The following BTN3A1 variants were observed in gnomAD, a reference collection of about 807,000 sequenced individuals.
BTN3A1 encodes the protein dJ45P21.3 (butyrophilin, subfamily 3, member A1).
BTN3A1 carries 24 observed loss-of-function variants against 43.0 expected under a neutral mutation model. The observed-to-expected ratio is 0.56, with a 90% CI of 0.40 to 0.78. The LOEUF is 0.78. Among genes scored for constraint, BTN3A1 ranks in the 30% least tolerant of loss-of-function variants. BTN3A1 has a pLI of 0.00. For synonymous variants in BTN3A1, 181 were observed against 234.7 expected (o/e 0.77, Z 2.09); for missense variants, 533 against 626.2 (o/e 0.85, Z 1.59).
At chr6:26,409,865 G>A (rs1443331157) in intron 5 of BTN3A1, 29 bp from the exon 6 acceptor site, 1 of 1,614,106 alleles carries the variant, frequency 6.2e-7, no homozygotes, top group Non-Finnish European at 8.5e-7. Context: ...ACCTGTAACA[G>A]TTCATTATTA....
At chr6:26,406,936 A>C (rs1762039959) in intron 3 of BTN3A1, among the ~76,000 whole-genome samples, 1 of 152,224 alleles carries the variant, frequency 6.6e-6, no homozygotes, top group Admixed American at 6.5e-5. Flanking sequence ...TTATCTAGGA[A>C]GAAAGAGACC....
chr6:26,412,370 CG>C (rs1762249155), intron 9 of BTN3A1: 1 of 749,894 alleles, frequency 1.3e-6, no homozygotes, highest in African/African-American at 1.8e-5. Flanking sequence ...GGAAATTAAA[CG>C]GTGTGTCTCT....
intron 9 of BTN3A1, chr6:26,412,846 G>A (rs1762265761): frequency 6.5e-7 from 1 of 1,531,184 alleles, no homozygotes; most frequent in Admixed American, 2.1e-5. Context: ...TAAAGCATTA[G>A]TGGGCAGAGT....
At chr6:26,410,053 C>T in intron 7 of BTN3A1, 21 bp downstream of exon 7, 1 of 1,613,562 alleles carries the variant, frequency 6.2e-7, no homozygotes, top group Non-Finnish European at 8.5e-7. Flanking sequence ...CTGACATTTT[C>T]TCTGAATTTG....
In BTN3A1 at chr6:26,414,082, A is replaced by C; in HGVS notation, c.*390A>C. 1 of 295,868 alleles carries C rather than the reference A, an allele frequency of 3.4e-6. No homozygotes were observed. The highest frequency in any genetic ancestry group is 6.5e-6 in the Non-Finnish European group (1 of 153,668). 18.3% of individuals were successfully genotyped at this position (295,868 alleles called of 1,614,324 possible). A position where few individuals can be genotyped will look rare whatever the true frequency, so the allele number is the denominator to read the frequency against. ...AACTAACATTAATGGAGAACTTAAA[A>C]TGCTCTGAGTGCTGTGTTATGAGCT... On this transcript the variant is annotated 3_prime_UTR_variant, in exon 10 of 10. Transcript: ENST00000289361.
chr6:26,405,507 C>T lies in BTN3A1; in HGVS notation c.-57C>T. On this transcript the variant is annotated 5_prime_UTR_variant, in exon 2 of 10. Transcript: ENST00000289361. ...GTTTCCATTTGGAATTCTATAGCTTCTTCCAGGTCATAGTGTCTGCCCCCC... is the reference window on the plus strand; with the variant it reads ...GTTTCCATTTGGAATTCTATAGCTTTTTCCAGGTCATAGTGTCTGCCCCCC... 1 of 1,510,042 alleles carries T rather than the reference C, an allele frequency of 6.6e-7. No homozygotes were observed. The highest frequency in any genetic ancestry group is 1.7e-4 in the Middle Eastern group (1 of 5,864). 93.5% of individuals were successfully genotyped at this position (1,510,042 alleles called of 1,614,324 possible). A position where few individuals can be genotyped will look rare whatever the true frequency, so the allele number is the denominator to read the frequency against.
At position 26,413,723 on chromosome 6, in the gene BTN3A1, C is replaced by G. The variant is rs376541758; in HGVS notation, c.*31C>G. The G allele has an allele frequency of 1.2e-6, 2 of 1,609,624 alleles. No individual in the cohort carries two copies. The highest frequency in any genetic ancestry group is 1.1e-5 in the South Asian group (1 of 90,976). On this transcript the variant is annotated 3_prime_UTR_variant, in exon 10 of 10. Coordinates refer to ENST00000289361, the MANE Select transcript of BTN3A1 (RefSeq NM_007048.6). ...AGAAGAGAGTTCCTCCAATTCTGAC[C>G]GAGTGCTGATCATTCCCTAGAGACA...
At chr6:26,403,896 A>G (rs1407320610) in intron 1 of BTN3A1, among the ~76,000 whole-genome samples, 4 of 152,234 alleles carry the variant, frequency 2.6e-5, no homozygotes, top group Non-Finnish European at 5.9e-5. Context: ...TTTATGAAGA[A>G]GAAAAACTTA....
At chr6:26,410,889 A>T (rs1370042708) in intron 7 of BTN3A1, among the ~76,000 whole-genome samples, 1 of 150,856 alleles carries the variant, frequency 6.6e-6, no homozygotes, top group African/African-American at 2.4e-5. Flanking sequence ...TCAGGAAGGA[A>T]CTCTCGCAAT....
Position 26,405,429 on chromosome 6 carries a change from G to A in BTN3A1, c.-135G>A, listed in dbSNP as rs1039385936. 5 of 797,862 alleles carry A rather than the reference G, an allele frequency of 6.3e-6. No homozygotes were observed. The highest frequency in any genetic ancestry group is 2.5e-5 in the Admixed American group (1 of 39,760). The allele number at this position is 797,862 out of a possible 1,614,324, so 49.4% of individuals were successfully genotyped here. A position where few individuals can be genotyped will look rare whatever the true frequency, so the allele number is the denominator to read the frequency against. ...ACACTGAAGGACAGAATTTTTGGCAGAGGAAAGATCTTCTTCGGTCACCAT... is the reference window on the plus strand; with the variant it reads ...ACACTGAAGGACAGAATTTTTGGCAAAGGAAAGATCTTCTTCGGTCACCAT... On this transcript the variant is annotated 5_prime_UTR_variant, in exon 2 of 10. Transcript: ENST00000289361.
At chr6:26,407,568 G>GA (rs1403884410) in intron 3 of BTN3A1, 103 bp from the exon 4 acceptor site, 7 of 1,392,728 alleles carry the variant, frequency 5.0e-6, no homozygotes, top group Non-Finnish European at 6.9e-6. Context: ...GCTCTAAAAT[G>GA]AAATTGTTCT....
At chr6:26,411,238 G>T in intron 8 of BTN3A1, 103 bp downstream of exon 8, 1 of 1,430,694 alleles carries the variant, frequency 7.0e-7, no homozygotes, top group South Asian at 1.3e-5. Flanking sequence ...GCATGAATCA[G>T]ATTTAACCCA....
Position 26,407,770 on chromosome 6 carries a change from A to C in BTN3A1, c.533A>C (p.Gln178Pro). Residue 178 changes from glutamine (Q) to proline (P), a missense_variant, in exon 4 of 10, where the codon CAG (glutamine) becomes CCG (proline). By Grantham distance (76) the Gln-to-Pro change is moderately conservative. Around this residue, in one of 4 missense-constraint regions of BTN3A1, gnomAD observed 415 missense variants for 427.0 expected, o/e 0.97. Coordinates refer to ENST00000289361, the MANE Select transcript of BTN3A1 (RefSeq NM_007048.6). ...GGCTGGTACCCCCAACCCCAAATACAGTGGAGCAACAACAAGGGAGAGAAC... is the reference window on the plus strand; with the variant it reads ...GGCTGGTACCCCCAACCCCAAATACCGTGGAGCAACAACAAGGGAGAGAAC... Reference protein sequence around the residue: ...STGWYPQPQIQWSNNKGENIP... With the variant: ...STGWYPQPQIPWSNNKGENIP... The C allele has an allele frequency of 1.2e-6, 2 of 1,614,194 alleles. No individual in the cohort carries two copies. Among genetic ancestry groups the C allele is most frequent in the Non-Finnish European group, 1.7e-6 (2 of 1,180,036 alleles).
chr6:26,412,425 C>T, intron 9 of BTN3A1: 1 of 1,248,186 alleles, frequency 8.0e-7, no homozygotes, highest in Non-Finnish European at 1.1e-6. Context: ...CTCCCATTGG[C>T]CAAACCCAAC....
In BTN3A1 at chr6:26,411,102, A is replaced by C; in HGVS notation, c.965-7A>C. The C allele has an allele frequency of 6.3e-7, 1 of 1,599,698 alleles. No homozygotes were observed. Among genetic ancestry groups the C allele is most frequent in the Non-Finnish European group, 8.5e-7 (1 of 1,174,458 alleles). ...CAGGTGACATCTCTATCTTTTTTTC[A>C]TTGTAGGGGGAGAGAGACATTCAGC... On this transcript the variant is annotated splice_polypyrimidine_tract_variant and splice_region_variant and intron_variant, in intron 7 of 9. Transcript: ENST00000289361.
intron 9 of BTN3A1, chr6:26,412,153 G>C: frequency 2.5e-6 from 1 of 403,920 alleles, no homozygotes; most frequent in East Asian, 4.3e-5. Context: ...GCAGAAAGGA[G>C]GGTTAAGGGA....
rs201679795 is a variant in BTN3A1 at position 26,413,450 on chromosome 6, G to A, written c.1300G>A (p.Gly434Arg). 3.7e-6 allele frequency: 6 copies of A among 1,614,108 alleles called. No individual in the cohort carries two copies. Among genetic ancestry groups the A allele is most frequent in the Non-Finnish European group, 5.1e-6 (6 of 1,180,028 alleles). The change falls in exon 10 of 10, where the codon GGG (glycine) becomes AGG (arginine). Residue 434 changes from glycine (G) to arginine (R), a missense_variant. By Grantham distance (125) the Gly-to-Arg change is moderately radical. Around this residue, in one of 4 missense-constraint regions of BTN3A1, gnomAD observed 415 missense variants for 427.0 expected, o/e 0.97. Coordinates refer to ENST00000289361, the MANE Select transcript of BTN3A1 (RefSeq NM_007048.6). Reference sequence around the variant, plus strand: ...ACCTGAGAATGGATTCTGGACTATGGGGCTGACTGATGGGAATAAGTATCG... The same window carrying A: ...ACCTGAGAATGGATTCTGGACTATGAGGCTGACTGATGGGAATAAGTATCG... ...MTPENGFWTM[G>R]LTDGNKYRTL...
chr6:26,412,808 A>G (rs1381287152), intron 9 of BTN3A1: 2 of 1,550,320 alleles, frequency 1.3e-6, no homozygotes, highest in South Asian at 2.4e-5. Context: ...GAGTGGTCGA[A>G]TGAAGGTTGA....
At position 26,407,720 on chromosome 6, in the gene BTN3A1, G is replaced by A; in HGVS notation, c.483G>A (p.Gly161=). The change falls in exon 4 of 10, where the codon GGG becomes GGA. Residue 161 remains glycine (G), a synonymous_variant. Transcript: ENST00000289361. ...HVDVKGYKDG[G]IHLECRSTGW... is the part of the protein sequence containing the mutation. ...ATGTGAAGGGTTACAAGGATGGAGGGATCCATCTGGAGTGCAGGTCCACTG... is the reference window on the plus strand; with the variant it reads ...ATGTGAAGGGTTACAAGGATGGAGGAATCCATCTGGAGTGCAGGTCCACTG... 6.2e-7 allele frequency: 1 copy of A among 1,614,176 alleles called. No individual in the cohort carries two copies. The highest frequency in any genetic ancestry group is 1.7e-5 in the Admixed American group (1 of 60,016).
Sources: gnomAD v4.1 joint callset for allele counts (sites outside exome capture counted in the v4.1 genomes callset) on GRCh38, gnomAD v4.1.1 for gene constraint, gnomAD v4.1.1 regional missense constraint, MANE v1.5 for transcripts, NCBI Gene and HGNC (gene_info 2026-07-23, HGNC 2026-07-21) for gene names.